Variants in CPAMD8 observed in about 807,000 individuals in gnomAD.
CPAMD8 encodes C3 and PZP-like alpha-2-macroglobulin domain-containing protein 8.
A neutral mutation model predicts 224.7 loss-of-function variants in CPAMD8; 146 were observed. The observed-to-expected ratio is 0.65, with a 90% confidence interval of 0.57 to 0.75. The LOEUF is 0.75. Among genes scored for constraint, CPAMD8 ranks in the 30% least tolerant of loss-of-function variants. CPAMD8 has a pLI of 0.00. For missense variants in CPAMD8, 2,301 were observed against 2,537.5 expected (o/e 0.91, Z 2.00); for synonymous variants, 966 against 1,044.6 (o/e 0.92, Z 1.45).
Position 16,899,348 on chromosome 19 carries a change from T to C in CPAMD8, c.4848+127A>G, listed in dbSNP as rs895217830. On this transcript the variant is annotated intron_variant, in intron 37 of 41. Transcript: ENST00000443236. This position sits in a 1 kb window ranked among gnomAD's most constrained non-coding sequence, Gnocchi z 5.4. ...CTGGGATTACAGGCATGAGCCACCA[T>C]GCCCGGCCCCAGTGTCTTTTTTATG... is the stretch of plus-strand genomic sequence containing the variant. The C allele has an allele frequency of 4.8e-6, 3 of 624,276 alleles. No individual in the cohort carries two copies. The highest frequency in any genetic ancestry group is 5.9e-6 in the Non-Finnish European group (2 of 337,166). 38.7% of individuals were successfully genotyped at this position (624,276 alleles called of 1,614,324 possible).
chr19:16,975,225 C>G lies in CPAMD8; in HGVS notation c.1942G>C (p.Asp648His), dbSNP rs1216563091. 6.2e-7 allele frequency: 1 copy of G among 1,608,894 alleles called. No individual in the cohort carries two copies. The highest frequency in any genetic ancestry group is 8.5e-7 in the Non-Finnish European group (1 of 1,177,510). ...FQELEDYDVSDSFGVSREDGP... is the reference protein window; with the variant it reads ...FQELEDYDVSHSFGVSREDGP... ...TCCTCCCTGGACACGCCAAAGGAAT[C>G]AGAAACATCATAATCTTCCAGTTCC... Residue 648 changes from aspartate (D) to histidine (H), a missense_variant, in exon 17 of 42, where the codon GAT becomes CAT. Physicochemically the swap from Asp to His is moderately conservative, Grantham distance 81. This residue lies in a region of CPAMD8 where 1,709 missense variants were observed against 1,753.2 expected (regional missense o/e 0.97). Coordinates refer to ENST00000443236, the MANE Select transcript of CPAMD8 (RefSeq NM_015692.5).
chr19:16,895,763 G>C, intron 41 of CPAMD8: 2 of 377,336 alleles, frequency 5.3e-6, no homozygotes. Flanking sequence ...CAGATTTTTA[G>C]ATTAGGGATG....
intron 18 of CPAMD8, among the ~76,000 whole-genome samples, chr19:16,966,747 A>G (rs565639962): frequency 1.3e-5 from 2 of 152,368 alleles, no homozygotes; most frequent in East Asian, 1.9e-4. Flanking sequence ...AATGCTCATC[A>G]TCACTGGCCA....
At chr19:16,905,307 C>T (rs1055193206) in intron 30 of CPAMD8, among the ~76,000 whole-genome samples, 5 of 150,956 alleles carry the variant, frequency 3.3e-5, no homozygotes. Flanking sequence ...TGGCAAGGCA[C>T]GGTGGCTCAT....
At chr19:16,904,416 G>A in intron 31 of CPAMD8, 50 bp downstream of exon 31, 2 of 1,613,982 alleles carry the variant, frequency 1.2e-6, no homozygotes, top group Non-Finnish European at 1.7e-6. Flanking sequence ...TGGACCCAGT[G>A]CATGGAGGTA....
chr19:16,898,972 G>A lies in CPAMD8; in HGVS notation c.4848+503C>T, dbSNP rs922367335. Reference sequence around the variant, plus strand: ...GTCTTGCTCTGTCACCCAAGCTGGAGTGCAGTGGCACAATCTCAGGTCACC... The same window carrying A: ...GTCTTGCTCTGTCACCCAAGCTGGAATGCAGTGGCACAATCTCAGGTCACC... On this transcript the variant is annotated intron_variant, in intron 37 of 41. Transcript: ENST00000443236. This position sits in a 1 kb window ranked among gnomAD's most constrained non-coding sequence, Gnocchi z 4.2. 6.6e-6 allele frequency among the ~76,000 whole-genome samples: 1 copy of A among 152,012 alleles called. No individual in the cohort carries two copies.
chr19:16,994,635 C>T (rs570406986), intron 11 of CPAMD8, among the ~76,000 whole-genome samples: 10 of 150,364 alleles, frequency 6.7e-5, no homozygotes, highest in Admixed American at 2.7e-4. Flanking sequence ...CCTCCTGCCT[C>T]ATCCTCCTGA....
intron 3 of CPAMD8, among the ~76,000 whole-genome samples, chr19:17,014,583 G>A (rs566919515): frequency 3.5e-4 from 53 of 152,300 alleles, no homozygotes; most frequent in African/African-American, 1.1e-3. Context: ...CAATCATGGC[G>A]AAAGGTGAAA....
Position 16,925,216 on chromosome 19 carries a change from G to GTC in CPAMD8, c.3525_3526dup (p.Thr1176ArgfsTer6). ...AATACCTTGTACTAGGTAGTCGGTG[G>GTC]TCTCTCTCTCCACCTCAGGGCTGAG... is the stretch of plus-strand genomic sequence containing the variant. On this transcript the variant is annotated frameshift_variant, in exon 26 of 42. Transcript: ENST00000443236. LOFTEE classifies it high-confidence loss of function. The GTC allele has an allele frequency of 3.1e-6, 5 of 1,614,146 alleles. No individual in the cohort carries two copies. Among genetic ancestry groups the GTC allele is most frequent in the Non-Finnish European group, 4.2e-6 (5 of 1,180,014 alleles).
chr19:16,957,613 A>G, intron 19 of CPAMD8: 1 of 522,206 alleles, frequency 1.9e-6, no homozygotes, highest in South Asian at 2.4e-5. Flanking sequence ...TAACCCCAAG[A>G]GGGAGTTATA....
intron 16 of CPAMD8, 115 bp downstream of exon 16, chr19:16,975,887 G>A (rs1349395670): frequency 2.2e-4 from 248 of 1,146,512 alleles, no homozygotes; most frequent in South Asian, 1.3e-4. Context: ...CGGAGAAAGC[G>A]AATCTGGATT....
chr19:17,011,629 G>C lies in CPAMD8; in HGVS notation c.396C>G (p.Ile132Met). The C allele has an allele frequency of 6.2e-7, 1 of 1,614,198 alleles. No individual in the cohort carries two copies. Among genetic ancestry groups the C allele is most frequent in the Non-Finnish European group, 8.5e-7 (1 of 1,180,046 alleles). Residue 132 changes from isoleucine (I) to methionine (M), a missense_variant, in exon 4 of 42, where the codon ATC (isoleucine) becomes ATG (methionine). Around this residue, in one of 4 missense-constraint regions of CPAMD8, gnomAD observed 283 missense variants for 340.6 expected, o/e 0.83. Transcript: ENST00000443236. The stretch of plus-strand genomic sequence containing the variant: ...GTCTGTACACAGGCTTGTCCGTCTG[G>C]ATGAATACAGAAGCGCCCCGGCCGT... ...TVDGRGASVF[I>M]QTDKPVYRPQ...
intron 12 of CPAMD8, 144 bp from the exon 13 acceptor site, chr19:16,989,915 G>T: frequency 1.3e-6 from 1 of 770,590 alleles, no homozygotes; most frequent in Non-Finnish European, 2.2e-6. Context: ...CAATCCTCAG[G>T]GAGTAATAGC....
intron 23 of CPAMD8, among the ~76,000 whole-genome samples, chr19:16,929,825 A>G (rs2053493420): frequency 6.6e-6 from 1 of 152,224 alleles, no homozygotes; most frequent in African/African-American, 2.4e-5. Flanking sequence ...AATCAACAAA[A>G]GCTAGACCAT....
chr19:16,914,555 C>G (rs559992248), intron 28 of CPAMD8, 57 bp from the exon 29 acceptor site: 3 of 1,609,774 alleles, frequency 1.9e-6, no homozygotes, highest in Admixed American at 1.7e-5. Context: ...CACTTCCCCC[C>G]ACTTCCCCCA....
At chr19:16,903,906 A>G in intron 32 of CPAMD8, 49 bp from the exon 33 acceptor site, 1 of 1,581,002 alleles carries the variant, frequency 6.3e-7, no homozygotes, top group Non-Finnish European at 8.6e-7. Context: ...TGAGTTGGCC[A>G]GTGGTCCCCT....
At chr19:17,024,490 G>C in intron 1 of CPAMD8, among the ~76,000 whole-genome samples, 1 of 152,240 alleles carries the variant, frequency 6.6e-6, no homozygotes, top group East Asian at 1.9e-4. Flanking sequence ...CTGGCTCCCA[G>C]CTGATCCCTA....
At chr19:16,900,762 A>T (rs549144934) in intron 36 of CPAMD8, among the ~76,000 whole-genome samples, 1 of 152,020 alleles carries the variant, frequency 6.6e-6, no homozygotes, top group African/African-American at 2.4e-5. Flanking sequence ...CTGTAACCCC[A>T]GCACTTTGTG....
chr19:17,016,000 G>A (rs2056801668), intron 3 of CPAMD8, among the ~76,000 whole-genome samples: 1 of 152,182 alleles, frequency 6.6e-6, no homozygotes, highest in Non-Finnish European at 1.5e-5. Flanking sequence ...CTAGAGTGCT[G>A]TGGTGCGATC....
Sources: gnomAD v4.1 joint callset for allele counts (sites outside exome capture counted in the v4.1 genomes callset) on GRCh38, gnomAD v4.1.1 for gene constraint, gnomAD v4.1.1 regional missense constraint, Gnocchi (gnomAD v3.1) non-coding constraint, MANE v1.5 for transcripts, NCBI Gene and HGNC (gene_info 2026-07-23, HGNC 2026-07-21) for gene names.